The following SLC9A9 variants were observed in gnomAD, a reference collection of about 807,000 sequenced individuals.
The protein encoded by SLC9A9 is solute carrier family 9 member A9.
In SLC9A9, 62 loss-of-function variants were observed where a neutral mutation model predicts 77.8. The observed-to-expected ratio is 0.80, with a 90% CI of 0.65 to 0.98. SLC9A9 has a LOEUF of 0.98. SLC9A9 is among the 50% of genes least tolerant of loss of function. The probability of loss-of-function intolerance (pLI) is 0.00; values close to 1 mark genes in which losing one functional copy is unlikely to be tolerated. For missense variants in SLC9A9, 775 were observed against 774.9 expected (o/e 1.00, Z 0.00); for synonymous variants, 320 against 283.5 (o/e 1.13, Z -1.29).
At chr3:143,641,802 T>C (rs976193257) in intron 6 of SLC9A9, among the ~76,000 whole-genome samples, 2 of 152,178 alleles carry the variant, frequency 1.3e-5, no homozygotes, top group African/African-American at 4.8e-5. Context: ...TCTCCACTTT[T>C]CCCCCACTTT....
At chr3:143,507,918 C>T (rs1368135064) in intron 9 of SLC9A9, among the ~76,000 whole-genome samples, 3 of 152,144 alleles carry the variant, frequency 2.0e-5, no homozygotes, top group African/African-American at 7.2e-5. Context: ...GCTCTCACGT[C>T]TCTTCTAATA....
At chr3:143,638,340 T>C (rs2038560355) in intron 6 of SLC9A9, among the ~76,000 whole-genome samples, 1 of 152,224 alleles carries the variant, frequency 6.6e-6, no homozygotes, top group South Asian at 2.1e-4. Context: ...TTTGAATTAA[T>C]TGCCTTTAGA....
intron 1 of SLC9A9, among the ~76,000 whole-genome samples, chr3:143,844,447 A>C (rs1282014511): frequency 6.6e-6 from 1 of 152,174 alleles, no homozygotes; most frequent in Admixed American, 6.5e-5. Context: ...ATTATAGGAA[A>C]TTTGATGCTG....
At chr3:143,660,368 G>C (rs1197956584) in intron 5 of SLC9A9, among the ~76,000 whole-genome samples, 1 of 152,344 alleles carries the variant, frequency 6.6e-6, no homozygotes, top group South Asian at 2.1e-4. Flanking sequence ...GAGCCAGAGA[G>C]AGAAAAACCT....
rs543007778 is a variant in SLC9A9 at position 143,524,829 on chromosome 3, C to T, written c.1089+27533G>A. Among the ~76,000 whole-genome samples the T allele has an allele frequency of 1.1e-4, 16 of 152,244 alleles. No homozygotes were observed. The South Asian group carries it at 3.3e-3, about 32-fold the overall frequency. ...GATTGGGTTAGTTCTCATGAGAATA[C>T]GTTGTAATAAAGTGAGCCTGCCTCT... On this transcript the variant is annotated intron_variant, in intron 9 of 15. Transcript: ENST00000316549.
intron 4 of SLC9A9, among the ~76,000 whole-genome samples, chr3:143,720,823 A>G (rs1560047829): frequency 6.6e-6 from 1 of 152,246 alleles, no homozygotes; most frequent in Admixed American, 6.5e-5. Context: ...TTCTGGGTCC[A>G]GCCCATATTG....
intron 6 of SLC9A9, among the ~76,000 whole-genome samples, chr3:143,592,571 A>G (rs1288862231): frequency 2.0e-5 from 3 of 152,202 alleles, no homozygotes; most frequent in Non-Finnish European, 4.4e-5. Flanking sequence ...CCTGATGCCT[A>G]AGTATATGTA....
At chr3:143,788,937 C>A in intron 4 of SLC9A9, among the ~76,000 whole-genome samples, 1 of 151,824 alleles carries the variant, frequency 6.6e-6, no homozygotes, top group Admixed American at 6.6e-5. Flanking sequence ...ACTTTATTAA[C>A]AACCAAGGAA....
At chr3:143,656,985 C>G (rs1437521355) in intron 5 of SLC9A9, among the ~76,000 whole-genome samples, 1 of 152,104 alleles carries the variant, frequency 6.6e-6, no homozygotes, top group Non-Finnish European at 1.5e-5. Context: ...TTCCCACTTT[C>G]CTGAAAAATT....
chr3:143,629,430 G>A (rs1050986904), intron 6 of SLC9A9, among the ~76,000 whole-genome samples: 6 of 152,144 alleles, frequency 3.9e-5, no homozygotes, highest in Admixed American at 6.5e-5. Flanking sequence ...TATGTGCTAC[G>A]ATTGGGGCAT....
At chr3:143,293,228 C>A (rs1250341189) in intron 14 of SLC9A9, among the ~76,000 whole-genome samples, 6 of 152,152 alleles carry the variant, frequency 3.9e-5, no homozygotes, top group Non-Finnish European at 8.8e-5. Context: ...AGGGGAGCTG[C>A]CCCGGTTTTC....
At chr3:143,333,741 G>T (rs1481787150) in intron 14 of SLC9A9, among the ~76,000 whole-genome samples, 1 of 152,238 alleles carries the variant, frequency 6.6e-6, no homozygotes, top group Non-Finnish European at 1.5e-5. Context: ...TCCTAGAAAT[G>T]AAACAAAGTA....
At chr3:143,606,434 CTCTATATA>C (rs1220208103) in intron 6 of SLC9A9, among the ~76,000 whole-genome samples, 1,941 of 52,906 alleles carry the variant, frequency 0.037, 21 homozygotes, top group East Asian at 0.062. Context: ...CTCTCTCTCT[CTCTATATA>C]TATATATATA....
intron 14 of SLC9A9, among the ~76,000 whole-genome samples, chr3:143,348,528 G>T (rs2032362667): frequency 6.6e-6 from 1 of 152,086 alleles, no homozygotes; most frequent in Non-Finnish European, 1.5e-5. Context: ...CTAGAAAATA[G>T]GTTCCAAGTG....
chr3:143,647,897 A>G (rs1424517823), intron 6 of SLC9A9, among the ~76,000 whole-genome samples: 2 of 152,202 alleles, frequency 1.3e-5, no homozygotes, highest in Non-Finnish European at 2.9e-5. Context: ...TTCATTCCTA[A>G]TAGAGGAAAT....
intron 8 of SLC9A9, among the ~76,000 whole-genome samples, chr3:143,566,516 C>T (rs1023704163): frequency 1.3e-5 from 2 of 152,042 alleles, no homozygotes; most frequent in Non-Finnish European, 1.5e-5. Context: ...GATTAGAAAG[C>T]CCAGCCCCAT....
At chr3:143,396,799 T>C (rs1214110167) in intron 12 of SLC9A9, among the ~76,000 whole-genome samples, 1 of 152,190 alleles carries the variant, frequency 6.6e-6, no homozygotes, top group African/African-American at 2.4e-5. Flanking sequence ...ATTTTTCTTG[T>C]GATTTCTGAT....
chr3:143,402,332 T>C (rs766802747), intron 12 of SLC9A9, among the ~76,000 whole-genome samples: 1 of 152,210 alleles, frequency 6.6e-6, no homozygotes, highest in Non-Finnish European at 1.5e-5. Flanking sequence ...ATATACTTAT[T>C]GCTCGAGATG....
intron 4 of SLC9A9, among the ~76,000 whole-genome samples, chr3:143,775,948 C>A (rs2007673970): frequency 6.6e-6 from 1 of 152,214 alleles, no homozygotes; most frequent in African/African-American, 2.4e-5. Context: ...AGCTTCAACT[C>A]TACGTGGGTG....
Sources: allele counts gnomAD v4.1 joint callset (sites outside exome capture counted in the v4.1 genomes callset), GRCh38; gene constraint gnomAD v4.1.1; transcripts MANE v1.5; gene names NCBI Gene and HGNC (gene_info 2026-07-23, HGNC 2026-07-21).